The following CREB5 variants were observed in gnomAD, a reference collection of about 807,000 sequenced individuals.
The protein encoded by CREB5 is cyclic AMP-responsive element-binding protein 5.
Under a neutral mutation model 57.1 loss-of-function variants are expected in CREB5, and 19 were observed. That is an observed-to-expected ratio of 0.33 (90% CI 0.23 to 0.49). The LOEUF (loss-of-function observed/expected upper bound fraction) is 0.49, where lower values mean the gene tolerates loss of function less well. CREB5 is among the 20% of genes least tolerant of loss of function. CREB5 has a pLI of 0.99. For missense variants in CREB5, 579 were observed against 671.6 expected (o/e 0.86, Z 1.52); for synonymous variants, 238 against 238.3 (o/e 1.00, Z 0.01).
At chr7:28,645,968 C>A (rs2128703854) in intron 5 of CREB5, among the ~76,000 whole-genome samples, 1 of 152,308 alleles carries the variant, frequency 6.6e-6, no homozygotes, top group South Asian at 2.1e-4. Flanking sequence ...CACCCATCTT[C>A]TCCTGCCCTC....
intron 1 of CREB5, among the ~76,000 whole-genome samples, chr7:28,423,110 G>T (rs975402332): frequency 6.6e-6 from 1 of 151,872 alleles, no homozygotes; most frequent in African/African-American, 2.4e-5. Context: ...GCTTCTCTTT[G>T]TCCATCCTCT....
intron 7 of CREB5, among the ~76,000 whole-genome samples, chr7:28,745,664 G>A (rs1023492535): frequency 1.3e-5 from 2 of 152,200 alleles, no homozygotes; most frequent in African/African-American, 2.4e-5. Context: ...AACCCCAAGA[G>A]CTAGAGCAGA....
At chr7:28,663,514 C>T (rs762616268) in intron 5 of CREB5, among the ~76,000 whole-genome samples, 1 of 152,086 alleles carries the variant, frequency 6.6e-6, no homozygotes, top group Non-Finnish European at 1.5e-5. Flanking sequence ...CCAGCTGTCC[C>T]CTTTTGAGTG....
intron 1 of CREB5, among the ~76,000 whole-genome samples, chr7:28,445,637 C>G (rs1199317599): frequency 1.3e-5 from 2 of 151,914 alleles, no homozygotes; most frequent in Non-Finnish European, 2.9e-5. Flanking sequence ...CTGCAAGCTC[C>G]GCCTCCCAGG....
At chr7:28,317,229 G>C (rs1283575397) in intron 1 of CREB5, among the ~76,000 whole-genome samples, 1 of 152,142 alleles carries the variant, frequency 6.6e-6, no homozygotes, top group Non-Finnish European at 1.5e-5. Flanking sequence ...GGAGGGTTCA[G>C]ATTACCCCAG....
intron 5 of CREB5, among the ~76,000 whole-genome samples, chr7:28,644,599 G>A (rs1293478078): frequency 6.6e-6 from 1 of 151,786 alleles, no homozygotes; most frequent in Non-Finnish European, 1.5e-5. Flanking sequence ...AAAACATTAT[G>A]TTTCAATTTG....
At chr7:28,792,166 T>C (rs1038914265) in intron 7 of CREB5, among the ~76,000 whole-genome samples, 1 of 152,048 alleles carries the variant, frequency 6.6e-6, no homozygotes, top group African/African-American at 2.4e-5. Flanking sequence ...TTAGTTGGCA[T>C]GGTTACAATC....
At chr7:28,337,682 T>C (rs1232520527) in intron 1 of CREB5, among the ~76,000 whole-genome samples, 1 of 152,100 alleles carries the variant, frequency 6.6e-6, no homozygotes, top group Non-Finnish European at 1.5e-5. Context: ...ATTGGAAAGA[T>C]TTGTCCATTT....
In CREB5 at chr7:28,665,477, T is replaced by TA. The variant is rs556506394; in HGVS notation, c.465-53275dup. 3.1e-4 allele frequency among the ~76,000 whole-genome samples: 47 copies of TA among 152,332 alleles called. No homozygotes were observed. In the East Asian group the frequency reaches 3.7e-3, roughly 12 times the overall value. ...CCATTTTTCTGAGCTGGTTATTTTT[T>TA]ATGTCAGTTTTCCCACAGCTGTGAG... On this transcript the variant is annotated intron_variant, in intron 5 of 10. Transcript: ENST00000357727.
At chr7:28,661,779 C>T (rs10237815) in intron 5 of CREB5, among the ~76,000 whole-genome samples, 18,580 of 152,102 alleles carry the variant, frequency 0.12, 2,392 homozygotes, top group African/African-American at 0.33. Flanking sequence ...CCCTCTCTTG[C>T]GCTTACAGAA....
At chr7:28,503,100 G>A (rs1250475609) in intron 3 of CREB5, among the ~76,000 whole-genome samples, 2 of 152,212 alleles carry the variant, frequency 1.3e-5, no homozygotes, top group African/African-American at 4.8e-5. Flanking sequence ...TATGCATTGA[G>A]CCGTATGCTT....
At chr7:28,781,427 T>C (rs1806965759) in intron 7 of CREB5, among the ~76,000 whole-genome samples, 1 of 152,236 alleles carries the variant, frequency 6.6e-6, no homozygotes, top group South Asian at 2.1e-4. Context: ...GATCTGGCAA[T>C]GTTTCCGTTT....
chr7:28,747,496 G>A (rs933252687), intron 7 of CREB5, among the ~76,000 whole-genome samples: 2 of 152,204 alleles, frequency 1.3e-5, no homozygotes, highest in African/African-American at 4.8e-5. Flanking sequence ...TTTAAGTGAG[G>A]AAGGAAGCTG....
intron 4 of CREB5, among the ~76,000 whole-genome samples, chr7:28,568,978 T>C (rs1795592397): frequency 6.6e-6 from 1 of 152,162 alleles, no homozygotes; most frequent in Non-Finnish European, 1.5e-5. Flanking sequence ...TTTTCTTTAG[T>C]AAATTGCTAG....
intron 5 of CREB5, among the ~76,000 whole-genome samples, chr7:28,622,257 TCTCACACACA>T (rs1031209693): frequency 1.8e-4 from 25 of 139,318 alleles, no homozygotes; most frequent in African/African-American, 5.8e-4. Flanking sequence ...TCTCTCTCTC[TCTCACACACA>T]CACACACACA....
rs921365261 is a variant in CREB5, at chr7:28,372,547, A to C, written c.-25+73106A>C. Among the ~76,000 whole-genome samples, 4 of 152,246 alleles carry C rather than the reference A, an allele frequency of 2.6e-5. No homozygotes were observed. In the South Asian group the frequency reaches 6.2e-4, roughly 24 times the overall value. On this transcript the variant is annotated intron_variant, in intron 1 of 9. Coordinates refer to the CREB5 transcript ENST00000396299. ...TTGAGAAGGATATATGAATTGCATA[A>C]AGGTGTAAATATTATTTATGATGCT...
At chr7:28,675,901 G>A (rs1435864371) in intron 5 of CREB5, among the ~76,000 whole-genome samples, 2 of 152,186 alleles carry the variant, frequency 1.3e-5, no homozygotes, top group Non-Finnish European at 2.9e-5. Flanking sequence ...TGGAAAGGGC[G>A]AGTTACAGGC....
At chr7:28,730,354 A>ATTT (rs34752067) in intron 7 of CREB5, among the ~76,000 whole-genome samples, 1,552 of 147,074 alleles carry the variant, frequency 0.011, 29 homozygotes, top group African/African-American at 0.036. Context: ...CACCCAGATA[A>ATTT]TTTTTTTTTT....
chr7:28,358,877 G>A (rs974686846), intron 1 of CREB5, among the ~76,000 whole-genome samples: 8 of 152,194 alleles, frequency 5.3e-5, no homozygotes, highest in African/African-American at 1.7e-4. Context: ...GAGGTGCAAA[G>A]TGACTTGGTA....
Sources: allele counts gnomAD v4.1 joint callset (sites outside exome capture counted in the v4.1 genomes callset), GRCh38; gene constraint gnomAD v4.1.1; transcripts MANE v1.5; gene names NCBI Gene and HGNC (gene_info 2026-07-23, HGNC 2026-07-21).